The following AKIRIN1 variants were observed in gnomAD, a reference collection of about 807,000 sequenced individuals.
AKIRIN1 encodes the protein akirin-1.
Under a neutral mutation model 25.9 loss-of-function variants are expected in AKIRIN1, and 4 were observed. That is an observed-to-expected ratio of 0.15 (90% CI 0.08 to 0.35). AKIRIN1 has a LOEUF of 0.35. Among genes scored for constraint, AKIRIN1 ranks in the 10% least tolerant of loss-of-function variants. The pLI is 1.00. For synonymous variants in AKIRIN1, 125 were observed against 105.1 expected (o/e 1.19, Z -1.16); for missense variants, 243 against 266.1 (o/e 0.91, Z 0.61).
At chr1:38,994,221 G>A (rs1220212389) in intron 1 of AKIRIN1, among the ~76,000 whole-genome samples, 2 of 152,168 alleles carry the variant, frequency 1.3e-5, no homozygotes, top group Non-Finnish European at 2.9e-5. Flanking sequence ...GGTAAGGGAT[G>A]TTCAATTGGT....
intron 1 of AKIRIN1, 38 bp downstream of exon 1, chr1:38,991,638 C>A: frequency 8.3e-7 from 1 of 1,210,962 alleles, no homozygotes; most frequent in South Asian, 3.3e-5. Flanking sequence ...GGAAGCCAGG[C>A]CCAGGCATTT....
At chr1:39,003,007 A>G (rs1364957390) in intron 3 of AKIRIN1, among the ~76,000 whole-genome samples, 1 of 152,252 alleles carries the variant, frequency 6.6e-6, no homozygotes, top group African/African-American at 2.4e-5. Flanking sequence ...AGAGTTTCAA[A>G]GATTCATGTC....
chr1:38,995,887 A>C (rs554337046), intron 1 of AKIRIN1, among the ~76,000 whole-genome samples: 44 of 152,210 alleles, frequency 2.9e-4, no homozygotes, highest in Non-Finnish European at 5.4e-4. Flanking sequence ...ACAAAAAATT[A>C]GGTGGGTGTG....
At chr1:38,998,104 C>A in intron 1 of AKIRIN1, 67 bp from the exon 2 acceptor site, 1 of 1,517,264 alleles carries the variant, frequency 6.6e-7, no homozygotes, top group East Asian at 2.3e-5. Context: ...TCTCTTCCCA[C>A]TTCTGAAGAA....
In AKIRIN1 at chr1:39,005,217, A is replaced by G. The variant is rs1340282827; in HGVS notation, c.*1162A>G. 2.0e-5 allele frequency: 3 copies of G among 151,848 alleles called. No homozygotes were observed. Among genetic ancestry groups the G allele is most frequent in the Non-Finnish European group, 4.4e-5 (3 of 68,060 alleles). The allele number at this position is 151,848 out of a possible 1,614,324, so 9.4% of individuals were successfully genotyped here. ...CAGCTGCTTGGGAGGCTGAGGCAGG[A>G]GAATCACTTGAACCCTGGAGGTGGC... On this transcript the variant is annotated 3_prime_UTR_variant, in exon 5 of 5. Coordinates refer to ENST00000432648, the MANE Select transcript of AKIRIN1 (RefSeq NM_024595.3).
chr1:39,003,228 A>G, intron 3 of AKIRIN1, 119 bp from the exon 4 acceptor site: 1 of 895,368 alleles, frequency 1.1e-6, no homozygotes, highest in Non-Finnish European at 1.8e-6. Flanking sequence ...AAGGACCTTT[A>G]TAAAGAGGGC....
At chr1:38,996,042 G>A (rs1570972244) in intron 1 of AKIRIN1, among the ~76,000 whole-genome samples, 1 of 152,166 alleles carries the variant, frequency 6.6e-6, no homozygotes, top group South Asian at 2.1e-4. Context: ...AAAAAATAAA[G>A]TGAGGTGAAA....
Position 38,991,336 on chromosome 1 carries a change from G to C in AKIRIN1, c.-45G>C, listed in dbSNP as rs778102962. 8 of 1,324,930 alleles carry C rather than the reference G, an allele frequency of 6.0e-6. No homozygotes were observed. The highest frequency in any genetic ancestry group is 5.8e-6 in the Non-Finnish European group (6 of 1,038,012). 82.1% of individuals were successfully genotyped at this position (1,324,930 alleles called of 1,614,324 possible). On this transcript the variant is annotated 5_prime_UTR_variant, in exon 1 of 5. Coordinates refer to ENST00000432648, the MANE Select transcript of AKIRIN1 (RefSeq NM_024595.3). ...GCCCGGCTGAGGAGCCTCTTGGGCC[G>C]CACTTACCGCCGCGTCCGCTCCCGG... is the stretch of plus-strand genomic sequence containing the variant.
In AKIRIN1 at chr1:38,991,288, A is replaced by T. The variant is rs893894449; in HGVS notation, c.-93A>T. The T allele has an allele frequency of 4.3e-6, 5 of 1,160,440 alleles. No individual in the cohort carries two copies. The African/African-American group carries it at 4.9e-5, about 11-fold the overall frequency. The allele number at this position is 1,160,440 out of a possible 1,614,324, so 71.9% of individuals were successfully genotyped here. ...GCCGCTGCCGGGTGCTGGAGGCGCCATTGGAGCCGGCTTGGCTGGCGAGCC... is the reference window on the plus strand; with the variant it reads ...GCCGCTGCCGGGTGCTGGAGGCGCCTTTGGAGCCGGCTTGGCTGGCGAGCC... On this transcript the variant is annotated 5_prime_UTR_variant, in exon 1 of 5. Coordinates refer to ENST00000432648, the MANE Select transcript of AKIRIN1 (RefSeq NM_024595.3).
At chr1:38,994,651 A>G (rs780941836) in intron 1 of AKIRIN1, among the ~76,000 whole-genome samples, 123 of 128,556 alleles carry the variant, frequency 9.6e-4, no homozygotes, top group Non-Finnish European at 7.5e-4. Context: ...GATTACAGGC[A>G]TGTGTCACTA....
intron 1 of AKIRIN1, among the ~76,000 whole-genome samples, chr1:38,996,774 C>T (rs1028759189): frequency 2.2e-4 from 34 of 152,108 alleles, no homozygotes; most frequent in Admixed American, 1.6e-3. Context: ...TGTGATCTGC[C>T]TGCCTCAGCC....
chr1:38,993,315 A>C (rs370766854), intron 1 of AKIRIN1, among the ~76,000 whole-genome samples: 1 of 150,694 alleles, frequency 6.6e-6, no homozygotes, highest in East Asian at 2.0e-4. Context: ...TCGGGAGGCC[A>C]TGGTGGGTGG....
At chr1:38,996,117 CAG>C (rs1017922576) in intron 1 of AKIRIN1, among the ~76,000 whole-genome samples, 74 of 152,256 alleles carry the variant, frequency 4.9e-4, no homozygotes, top group African/African-American at 1.8e-3. Context: ...TTTTTTGAGA[CAG>C]TGTCTTACTC....
chr1:39,004,296 C>CA lies in AKIRIN1; in HGVS notation c.*246dup, dbSNP rs1223950474. On this transcript the variant is annotated 3_prime_UTR_variant, in exon 5 of 5. Coordinates refer to ENST00000432648, the MANE Select transcript of AKIRIN1 (RefSeq NM_024595.3). ...GCCCTACTGTGATAGATTTTCCAAA[C>CA]AAAAATACCTGGAGCAGCAGTTTAG... The CA allele has an allele frequency of 7.5e-6, 5 of 664,042 alleles. No individual in the cohort carries two copies. In the Admixed American group the frequency reaches 8.8e-5, roughly 12 times the overall value. 41.1% of individuals were successfully genotyped at this position (664,042 alleles called of 1,614,324 possible).
chr1:38,996,957 CATT>C (rs1196829362), intron 1 of AKIRIN1, among the ~76,000 whole-genome samples: 1 of 152,162 alleles, frequency 6.6e-6, no homozygotes. Flanking sequence ...CTTGTTATGA[CATT>C]ATTGTTACCT....
chr1:38,995,077 C>T (rs546180558), intron 1 of AKIRIN1, among the ~76,000 whole-genome samples: 4 of 151,838 alleles, frequency 2.6e-5, no homozygotes, highest in Non-Finnish European at 5.9e-5. Context: ...GTGATCTGCC[C>T]GCCTCGGCCT....
intron 1 of AKIRIN1, among the ~76,000 whole-genome samples, chr1:38,992,051 T>C (rs1435152211): frequency 3.3e-5 from 5 of 152,166 alleles, no homozygotes; most frequent in African/African-American, 4.8e-5. Context: ...GCGTGCTGTT[T>C]AGCCCTGTAG....
Position 39,004,547 on chromosome 1 carries a change from G to A in AKIRIN1, c.*492G>A, listed in dbSNP as rs1339160950. On this transcript the variant is annotated 3_prime_UTR_variant, in exon 5 of 5. Coordinates refer to ENST00000432648, the MANE Select transcript of AKIRIN1 (RefSeq NM_024595.3). Reference sequence around the variant, plus strand: ...GTCTAAAGAAGATCATTAATGTTTTGTGACCATACAAGTTGTAACAGTGGA... The same window carrying A: ...GTCTAAAGAAGATCATTAATGTTTTATGACCATACAAGTTGTAACAGTGGA... 2.2e-5 allele frequency: 5 copies of A among 231,692 alleles called. No homozygotes were observed. The highest frequency in any genetic ancestry group is 5.2e-5 in the South Asian group (1 of 19,162). 14.4% of individuals were successfully genotyped at this position (231,692 alleles called of 1,614,324 possible).
chr1:39,004,169 T>TA lies in AKIRIN1; in HGVS notation c.*117dup, dbSNP rs760096142. On this transcript the variant is annotated 3_prime_UTR_variant, in exon 5 of 5. Transcript: ENST00000432648. The stretch of plus-strand genomic sequence containing the variant: ...TCCAACTTTGCATCCTGAGAACACT[T>TA]AAACGTTTCTGCAGGTCCATTTTAT... 20 of 1,168,060 alleles carry TA rather than the reference T, an allele frequency of 1.7e-5. No individual in the cohort carries two copies. Among genetic ancestry groups the TA allele is most frequent in the Non-Finnish European group, 2.5e-5 (19 of 774,740 alleles). 72.4% of individuals were successfully genotyped at this position (1,168,060 alleles called of 1,614,324 possible).
Sources: gnomAD v4.1 joint callset for allele counts (sites outside exome capture counted in the v4.1 genomes callset) on GRCh38, gnomAD v4.1.1 for gene constraint, MANE v1.5 for transcripts, NCBI Gene and HGNC (gene_info 2026-07-23, HGNC 2026-07-21) for gene names.